SEMA6B: variants seen among roughly 807,000 people sequenced by gnomAD.
SEMA6B encodes the protein semaphorin 6B, also known as semaphorin-6B.
In SEMA6B, 47 loss-of-function variants were observed where a neutral mutation model predicts 78.6. The observed-to-expected ratio is 0.60, with a 90% CI of 0.47 to 0.76. SEMA6B has a LOEUF of 0.76. Among genes scored for constraint, SEMA6B ranks in the 30% least tolerant of loss-of-function variants. The pLI, the probability that SEMA6B is intolerant of heterozygous loss-of-function variation, is 0.00. For missense variants in SEMA6B, 1,213 were observed against 1,269.9 expected, an observed-to-expected ratio of 0.96 and a Z score of 0.68; for synonymous variants, 632 against 592.2, an observed-to-expected ratio of 1.07 and a Z score of -0.98.
At position 4,558,141 on chromosome 19, in the gene SEMA6B, G is replaced by C; in HGVS notation, c.130C>G (p.His44Asp). 6.7e-7 allele frequency: 1 copy of C among 1,488,490 alleles called. No individual in the cohort carries two copies. The highest frequency in any genetic ancestry group is 9.0e-7 in the Non-Finnish European group (1 of 1,108,084). 92.2% of individuals were successfully genotyped at this position (1,488,490 alleles called of 1,614,324 possible). ...LSVAPRDYLN[H>D]YPVFVGSGPG... ...CCGCTGCCCACAAACACGGGATAGT[G>C]GTTCAGGTCTGAGTGAGGGGGTGGA... Residue 44 changes from histidine (H) to aspartate (D), a missense_variant, in exon 3 of 17, where the codon CAC (histidine) becomes GAC (aspartate). Coordinates refer to ENST00000586582, the MANE Select transcript of SEMA6B (RefSeq NM_032108.4). This position sits in a 1 kb window ranked among gnomAD's most constrained non-coding sequence, Gnocchi z 5.1.
chr19:4,544,142 G>A lies in SEMA6B; in HGVS notation c.2126C>T (p.Thr709Met), dbSNP rs1404160920. 7.8e-7 allele frequency: 1 copy of A among 1,274,940 alleles called. No homozygotes were observed. Among genetic ancestry groups the A allele is most frequent in the Non-Finnish European group, 9.9e-7 (1 of 1,012,580 alleles). 79.0% of individuals were successfully genotyped at this position (1,274,940 alleles called of 1,614,324 possible). A position where few individuals can be genotyped will look rare whatever the true frequency, so the allele number is the denominator to read the frequency against. ...CTGCGGCAGCGGCGTCTGCTCGGGCGTGGGCAGCAGCCCCGAGTCCAGGTC... is the reference window on the plus strand; with the variant it reads ...CTGCGGCAGCGGCGTCTGCTCGGGCATGGGCAGCAGCCCCGAGTCCAGGTC... Reference protein sequence around the residue: ...PHDLDSGLLPTPEQTPLPQKR... With the variant: ...PHDLDSGLLPMPEQTPLPQKR... Residue 709 changes from threonine (T) to methionine (M), a missense_variant, in exon 17 of 17, where the codon ACG becomes ATG. Transcript: ENST00000586582. This position sits in a 1 kb window ranked among gnomAD's most constrained non-coding sequence, Gnocchi z 5.1.
At position 4,543,746 on chromosome 19, in the gene SEMA6B, G is replaced by A; in HGVS notation, c.2522C>T (p.Ala841Val). ...RPLGPHAPPA[A>V]TLRRTHTFNS... ...GAACGTGTGGGTGCGGCGCAGGGTG[G>A]CGGCCGGAGGGGCGTGGGGGCCCAG... Residue 841 changes from alanine to valine, a missense_variant, in exon 17 of 17, where the codon GCC becomes GTC. Coordinates refer to ENST00000586582, the MANE Select transcript of SEMA6B (RefSeq NM_032108.4). The A allele has an allele frequency of 8.2e-7, 1 of 1,226,994 alleles. No individual in the cohort carries two copies. Among genetic ancestry groups the A allele is most frequent in the Non-Finnish European group, 1.0e-6 (1 of 984,884 alleles). 76.0% of individuals were successfully genotyped at this position (1,226,994 alleles called of 1,614,324 possible).
chr19:4,558,669 C>T lies in SEMA6B; in HGVS notation c.-32-180G>A, dbSNP rs1312122413. ...CACAGCACTGATTTAATTATCAGAA[C>T]AACTTTATGGCCACGTGTGCGTGAA... On this transcript the variant is annotated intron_variant, in intron 1 of 16. Transcript: ENST00000586582. This position sits in a 1 kb window ranked among gnomAD's most constrained non-coding sequence, Gnocchi z 5.1. 6.6e-6 allele frequency among the ~76,000 whole-genome samples: 1 copy of T among 152,146 alleles called. No homozygotes were observed. The highest frequency in any genetic ancestry group is 2.4e-5 in the African/African-American group (1 of 41,430).
At chr19:4,549,773 C>T (rs372594577) in intron 12 of SEMA6B, among the ~76,000 whole-genome samples, 34 of 152,152 alleles carry the variant, frequency 2.2e-4, no homozygotes, top group East Asian at 1.2e-3. Flanking sequence ...CCACCATGCC[C>T]GGCCAATTTT....
chr19:4,550,257 T>C lies in SEMA6B; in HGVS notation c.1137A>G (p.Ala379=), dbSNP rs138803707. The change falls in exon 12 of 17, where the codon GCA becomes GCG. Residue 379 remains alanine, a synonymous_variant. Transcript: ENST00000586582. The surrounding 1 kb of genome is among the most constrained non-coding windows in gnomAD (Gnocchi z 6.6). ...AGGCATTGTACTGCATCCCGGGGGC[T>C]GCGCAGCACCCGGGCCTGGGGGTGA... ...QVPRPRPGCC[A]APGMQYNASS... 34 of 1,551,180 alleles carry C rather than the reference T, an allele frequency of 2.2e-5. No individual in the cohort carries two copies. In the African/African-American group the frequency reaches 4.3e-4, roughly 19 times the overall value.
chr19:4,554,876 C>A, intron 8 of SEMA6B, 100 bp downstream of exon 8: 1 of 1,396,578 alleles, frequency 7.2e-7, no homozygotes, highest in Admixed American at 2.2e-5. Context: ...GAAATCTCTC[C>A]ACCAAGCTCC....
rs1193548752 is a variant in SEMA6B, at chr19:4,542,907, G to T, written c.*694C>A. The T allele has an allele frequency of 1.4e-6, 1 of 701,240 alleles. No individual in the cohort carries two copies. Among genetic ancestry groups the T allele is most frequent in the Non-Finnish European group, 2.6e-6 (1 of 384,856 alleles). The allele number at this position is 701,240 out of a possible 1,614,324, so 43.4% of individuals were successfully genotyped here. Reference sequence around the variant, plus strand: ...GTCCCCGCTTCCCTCTGCAGAGTGGGGGGGGTTCAAACTCCTAACCGGCAC... The same window carrying T: ...GTCCCCGCTTCCCTCTGCAGAGTGGTGGGGGTTCAAACTCCTAACCGGCAC... On this transcript the variant is annotated 3_prime_UTR_variant, in exon 17 of 17. Coordinates refer to ENST00000586582, the MANE Select transcript of SEMA6B (RefSeq NM_032108.4).
At chr19:4,545,348 A>AT (rs113268343) in intron 16 of SEMA6B, among the ~76,000 whole-genome samples, 17,090 of 150,510 alleles carry the variant, frequency 0.11, 1,984 homozygotes, top group African/African-American at 0.29. Context: ...CTCAAAAAAA[A>AT]AAAAAAAAGA....
At chr19:4,554,077 A>G (rs1977408099) in intron 9 of SEMA6B, among the ~76,000 whole-genome samples, 2 of 150,670 alleles carry the variant, frequency 1.3e-5, no homozygotes, top group Admixed American at 1.3e-4. Context: ...GTGAGCAGGT[A>G]GACGGATGGA....
intron 12 of SEMA6B, among the ~76,000 whole-genome samples, chr19:4,549,515 T>G (rs1977263207): frequency 1.3e-5 from 2 of 151,524 alleles, no homozygotes; most frequent in African/African-American, 4.9e-5. Context: ...GTTTCGCTCT[T>G]TCGCCCAGGC....
chr19:4,555,376 G>A lies in SEMA6B; in HGVS notation c.562+98C>T, dbSNP rs911279519. 4.5e-5 allele frequency: 49 copies of A among 1,087,784 alleles called. No individual in the cohort carries two copies. Among genetic ancestry groups the A allele is most frequent in the South Asian group, 2.4e-4 (16 of 66,434 alleles). The allele number at this position is 1,087,784 out of a possible 1,614,324, so 67.4% of individuals were successfully genotyped here. A position where few individuals can be genotyped will look rare whatever the true frequency, so the allele number is the denominator to read the frequency against. On this transcript the variant is annotated intron_variant, in intron 7 of 16. Coordinates refer to ENST00000586582, the MANE Select transcript of SEMA6B (RefSeq NM_032108.4). This position sits in a 1 kb window ranked among gnomAD's most constrained non-coding sequence, Gnocchi z 6.1. ...CATGTCACAGCTGGGACAAGTGGTC[G>A]TCCAGCTGCCTTCTAAACAACCCAG...
Position 4,558,517 on chromosome 19 carries a change from G to A in SEMA6B, c.-32-28C>T. The A allele has an allele frequency of 2.4e-6, 3 of 1,231,794 alleles. No individual in the cohort carries two copies. Among genetic ancestry groups the A allele is most frequent in the Non-Finnish European group, 3.0e-6 (3 of 986,140 alleles). 76.3% of individuals were successfully genotyped at this position (1,231,794 alleles called of 1,614,324 possible). ...GCGGGCAAGGGGCGGCGAGGTGAGCGGCCTGCAGTCCCGCTCGTGGCCACA... is the reference window on the plus strand; with the variant it reads ...GCGGGCAAGGGGCGGCGAGGTGAGCAGCCTGCAGTCCCGCTCGTGGCCACA... On this transcript the variant is annotated intron_variant, in intron 1 of 16. Transcript: ENST00000586582. This position sits in a 1 kb window ranked among gnomAD's most constrained non-coding sequence, Gnocchi z 5.1.
In SEMA6B at chr19:4,555,460, G is replaced by T. The variant is rs1260714263; in HGVS notation, c.562+14C>A. 2.5e-6 allele frequency: 4 copies of T among 1,595,760 alleles called. No individual in the cohort carries two copies. In the East Asian group the frequency reaches 9.0e-5, roughly 36 times the overall value. On this transcript the variant is annotated intron_variant, in intron 7 of 16. Transcript: ENST00000586582. The surrounding 1 kb of genome is among the most constrained non-coding windows in gnomAD (Gnocchi z 6.1). ...GGCTGGGGCTGATCAGATGGAGGTT[G>T]GGGGGGTACTTACCAGAGAAGAGGG... is the stretch of plus-strand genomic sequence containing the variant.
intron 14 of SEMA6B, among the ~76,000 whole-genome samples, chr19:4,547,191 G>A (rs1429011016): frequency 6.6e-6 from 1 of 151,460 alleles, no homozygotes; most frequent in Non-Finnish European, 1.5e-5. Flanking sequence ...GGCTGGTCTC[G>A]AACTCCTCGG....
chr19:4,556,830 G>A, intron 5 of SEMA6B, 121 bp downstream of exon 5: 1 of 887,034 alleles, frequency 1.1e-6, no homozygotes, highest in Non-Finnish European at 1.8e-6. Context: ...GGGCTGATTG[G>A]GGGTGGGTTG....
In SEMA6B at chr19:4,558,032, C is replaced by T; in HGVS notation, c.239G>A (p.Gly80Glu). Residue 80 changes from glycine to glutamate, a missense_variant, in exon 3 of 17, where the codon GGG (glycine) becomes GAG (glutamate). Gly to Glu is a moderately conservative substitution (Grantham distance 98). Transcript: ENST00000586582. The surrounding 1 kb of genome is among the most constrained non-coding windows in gnomAD (Gnocchi z 5.1). ...VLRVNRTLFIGDRDNLYRVEL... is the reference protein window; with the variant it reads ...VLRVNRTLFIEDRDNLYRVEL... ...TTGCTGTCCCCAGCAATACCTGTCC[C>T]CAATGAACAGCGTCCTGTTGACCCG... 1 of 1,462,276 alleles carries T rather than the reference C, an allele frequency of 6.8e-7. No individual in the cohort carries two copies. The highest frequency in any genetic ancestry group is 9.2e-7 in the Non-Finnish European group (1 of 1,092,840). The allele number at this position is 1,462,276 out of a possible 1,614,324, so 90.6% of individuals were successfully genotyped here.
At chr19:4,551,139 A>AT (rs1977320684) in intron 10 of SEMA6B, among the ~76,000 whole-genome samples, 1 of 148,148 alleles carries the variant, frequency 6.8e-6, no homozygotes, top group Admixed American at 6.7e-5. Context: ...CTACGAGGCC[A>AT]CCCCTGTCCA....
chr19:4,555,774 A>G lies in SEMA6B; in HGVS notation c.472-210T>C, dbSNP rs10409783. Among the ~76,000 whole-genome samples, 121,297 of 152,220 alleles carry G rather than the reference A, an allele frequency of 0.8. 49,082 individuals are homozygous for G. The highest frequency in any genetic ancestry group is 0.95 in the African/African-American group (39,503 of 41,558). On this transcript the variant is annotated intron_variant, in intron 6 of 16. Transcript: ENST00000586582. The surrounding 1 kb of genome is among the most constrained non-coding windows in gnomAD (Gnocchi z 6.1). ...TAGTTAGACCTGTAACTGGCTCATT[A>G]CCTAAGTAGCTACGGCTTCCCCGGC...
At chr19:4,551,032 G>A (rs1309054114) in intron 10 of SEMA6B, 102 bp from the exon 11 acceptor site, 1 of 1,361,388 alleles carries the variant, frequency 7.3e-7, no homozygotes, top group Non-Finnish European at 1.0e-6. Flanking sequence ...TGAATCTTCA[G>A]TCTTCCTAGG....
Sources: gnomAD v4.1 joint callset for allele counts (sites outside exome capture counted in the v4.1 genomes callset) on GRCh38, gnomAD v4.1.1 for gene constraint, Gnocchi (gnomAD v3.1) non-coding constraint, MANE v1.5 for transcripts, NCBI Gene and HGNC (gene_info 2026-07-23, HGNC 2026-07-21) for gene names.